Variants in ARHGAP31 observed in about 807,000 individuals in gnomAD.
ARHGAP31 encodes the protein rho GTPase-activating protein 31.
A neutral mutation model predicts 113.9 loss-of-function variants in ARHGAP31; 34 were observed. The ratio of observed to expected loss-of-function variants is 0.30; its 90% CI spans 0.23 to 0.40. ARHGAP31 has a LOEUF of 0.40. Among genes scored for constraint, ARHGAP31 ranks in the 10% least tolerant of loss-of-function variants. ARHGAP31 has a pLI of 1.00. For synonymous variants in ARHGAP31, 650 were observed against 684.8 expected (o/e 0.95, Z 0.79); for missense variants, 1,548 against 1,767.1 (o/e 0.88, Z 2.22).
At position 119,389,204 on chromosome 3, in the gene ARHGAP31, A is replaced by G. The variant is rs190103026; in HGVS notation, c.683-1581A>G. Among the ~76,000 whole-genome samples, 17 of 151,830 alleles carry G rather than the reference A, an allele frequency of 1.1e-4. No individual in the cohort carries two copies. In the East Asian group the frequency reaches 3.1e-3, roughly 28 times the overall value. Reference sequence around the variant, plus strand: ...AAACTTAACCAACTAACAAACAAACAAAAAAAACCATCTAATCAGAGACAC... The same window carrying G: ...AAACTTAACCAACTAACAAACAAACGAAAAAAACCATCTAATCAGAGACAC... On this transcript the variant is annotated intron_variant, in intron 6 of 11. Coordinates refer to ENST00000264245, the MANE Select transcript of ARHGAP31 (RefSeq NM_020754.4).
chr3:119,394,491 A>G (rs2080531018), intron 8 of ARHGAP31, among the ~76,000 whole-genome samples: 1 of 152,164 alleles, frequency 6.6e-6, no homozygotes, highest in Admixed American at 6.5e-5. Context: ...GCTGAATATT[A>G]TGTCAGGAAA....
chr3:119,364,503 G>T (rs546144335), intron 1 of ARHGAP31, among the ~76,000 whole-genome samples: 56 of 152,276 alleles, frequency 3.7e-4, no homozygotes, highest in Non-Finnish European at 6.2e-4. Flanking sequence ...CCTGTGCCTT[G>T]ATGTCCTCAT....
chr3:119,389,235 G>A lies in ARHGAP31; in HGVS notation c.683-1550G>A, dbSNP rs531995737. ...AACCATCTAATCAGAGACACTAAGC[G>A]GGCCTTAGTCCTAGGAGCCTGGAGC... On this transcript the variant is annotated intron_variant, in intron 6 of 11. Transcript: ENST00000264245. Among the ~76,000 whole-genome samples, 37 of 152,164 alleles carry A rather than the reference G, an allele frequency of 2.4e-4. No homozygotes were observed. In the South Asian group the frequency reaches 5.8e-3, roughly 24 times the overall value.
At chr3:119,300,842 A>AAAAGAAAGAAAG (rs543721008) in intron 1 of ARHGAP31, among the ~76,000 whole-genome samples, 91 of 139,038 alleles carry the variant, frequency 6.5e-4, no homozygotes, top group Admixed American at 1.3e-3. Context: ...AAAAAAAAAA[A>AAAAGAAAGAAAG]AAAGAAAGAA....
At position 119,414,005 on chromosome 3, in the gene ARHGAP31, C is replaced by A. The variant is rs772289203; in HGVS notation, c.2076C>A (p.Pro692=). 1 of 1,614,172 alleles carries A rather than the reference C, an allele frequency of 6.2e-7. No individual in the cohort carries two copies. Reference sequence around the variant, plus strand: ...CTATTCTCGAGTCGAGTCTGGGGCCCTTTATTCCCTCAGAGCCTCCTGGGA... The same window carrying A: ...CTATTCTCGAGTCGAGTCTGGGGCCATTTATTCCCTCAGAGCCTCCTGGGA... ...IQPILESSLG[P]FIPSEPPGSL... The change falls in exon 12 of 12, where the codon CCC becomes CCA. Residue 692 remains proline, a synonymous_variant. Coordinates refer to ENST00000264245, the MANE Select transcript of ARHGAP31 (RefSeq NM_020754.4).
intron 1 of ARHGAP31, among the ~76,000 whole-genome samples, chr3:119,332,064 TTTAA>T (rs1559969512): frequency 6.6e-6 from 1 of 152,138 alleles, no homozygotes; most frequent in Non-Finnish European, 1.5e-5. Context: ...CTTGAAGCCC[TTTAA>T]TTATTTTAAA....
chr3:119,374,102 T>C (rs1559983677), intron 3 of ARHGAP31, among the ~76,000 whole-genome samples: 1 of 152,166 alleles, frequency 6.6e-6, no homozygotes, highest in Non-Finnish European at 1.5e-5. Flanking sequence ...TATGATATGG[T>C]TTGGAGGCTT....
chr3:119,414,340 C>A lies in ARHGAP31; in HGVS notation c.2411C>A (p.Pro804Gln), dbSNP rs760373610. ...STPVLLSKGGPEREDSSRKLR... is the reference protein window; with the variant it reads ...STPVLLSKGGQEREDSSRKLR... ...CCAGTCCTGCTTTCAAAGGGCGGCC[C>A]GGAAAGAGAAGACTCATCCAGGAAA... The change falls in exon 12 of 12, where the codon CCG (proline) becomes CAG (glutamine). Residue 804 changes from proline (P) to glutamine (Q), a missense_variant. Pro to Gln is a moderately conservative substitution (Grantham distance 76, BLOSUM62 -1). Coordinates refer to ENST00000264245, the MANE Select transcript of ARHGAP31 (RefSeq NM_020754.4). The A allele has an allele frequency of 1.9e-6, 3 of 1,614,156 alleles. No homozygotes were observed. The highest frequency in any genetic ancestry group is 2.5e-6 in the Non-Finnish European group (3 of 1,180,028).
intron 1 of ARHGAP31, chr3:119,342,056 T>C (rs2080012755): frequency 6.6e-6 from 1 of 152,202 alleles, no homozygotes; most frequent in Admixed American, 6.5e-5. Flanking sequence ...ACCACTTTTT[T>C]ATTAAGATCA....
chr3:119,350,567 C>T (rs1216097960), intron 1 of ARHGAP31, among the ~76,000 whole-genome samples: 2 of 152,124 alleles, frequency 1.3e-5, no homozygotes, highest in Non-Finnish European at 2.9e-5. Flanking sequence ...AGGGATTTCT[C>T]ACTCTTAGGG....
intron 1 of ARHGAP31, chr3:119,298,619 T>C (rs1169309881): frequency 6.6e-6 from 1 of 152,248 alleles, no homozygotes; most frequent in Non-Finnish European, 1.5e-5. Flanking sequence ...GCAATCTTTG[T>C]TTATTTTACC....
At chr3:119,360,971 A>C (rs2080201066) in intron 1 of ARHGAP31, among the ~76,000 whole-genome samples, 1 of 152,234 alleles carries the variant, frequency 6.6e-6, no homozygotes, top group South Asian at 2.1e-4. Flanking sequence ...CTCCAGCGTC[A>C]GTCCTTCCCA....
chr3:119,396,577 A>T (rs1482407307), intron 8 of ARHGAP31, among the ~76,000 whole-genome samples: 1 of 152,258 alleles, frequency 6.6e-6, no homozygotes, highest in Non-Finnish European at 1.5e-5. Context: ...GATTAAAGTT[A>T]GGCCATTGAA....
At chr3:119,383,295 A>T in intron 6 of ARHGAP31, 69 bp downstream of exon 6, 1 of 1,593,280 alleles carries the variant, frequency 6.3e-7, no homozygotes, top group Non-Finnish European at 8.6e-7. Flanking sequence ...GTGGGACTCA[A>T]CAGAAAGTGA....
In ARHGAP31 at chr3:119,415,465, C is replaced by T; in HGVS notation, c.3536C>T (p.Ala1179Val). Residue 1179 changes from alanine (A) to valine (V), a missense_variant, in exon 12 of 12, where the codon GCT becomes GTT. Transcript: ENST00000264245. ...GCACTGACAGGCCGCCGTAACTCAG[C>T]TCCTGTGAGTGTGTCAGCTGTGAGA... The part of the protein sequence containing the change: ...AHALTGRRNS[A>V]PVSVSAVRTS... 1 of 1,614,108 alleles carries T rather than the reference C, an allele frequency of 6.2e-7. No individual in the cohort carries two copies. The highest frequency in any genetic ancestry group is 2.2e-5 in the East Asian group (1 of 44,888).
At position 119,317,366 on chromosome 3, in the gene ARHGAP31, G is replaced by T. The variant is rs141000064; in HGVS notation, c.100+22362G>T. Among the ~76,000 whole-genome samples the T allele has an allele frequency of 6.5e-3, 992 of 152,132 alleles. 16 individuals are homozygous for T. The highest frequency in any genetic ancestry group is 0.062 in the East Asian group (320 of 5,160). On this transcript the variant is annotated intron_variant, in intron 1 of 11. Transcript: ENST00000264245. ...GCTAATTTTTTGTATTTTTAGTAGAGACGGGGTTTCACCGTGTTAGCCAGG... is the reference window on the plus strand; with the variant it reads ...GCTAATTTTTTGTATTTTTAGTAGATACGGGGTTTCACCGTGTTAGCCAGG...
At chr3:119,385,420 G>A (rs1268516348) in intron 6 of ARHGAP31, among the ~76,000 whole-genome samples, 5 of 152,074 alleles carry the variant, frequency 3.3e-5, no homozygotes, top group South Asian at 2.1e-4. Flanking sequence ...TCACATACAC[G>A]TTTTTGTTTG....
intron 1 of ARHGAP31, among the ~76,000 whole-genome samples, chr3:119,359,262 C>A (rs1218165995): frequency 1.3e-5 from 2 of 152,058 alleles, no homozygotes; most frequent in African/African-American, 2.4e-5. Flanking sequence ...AGGTGATCCA[C>A]CTGCCTTGGC....
At chr3:119,361,334 G>C (rs1000142478) in intron 1 of ARHGAP31, among the ~76,000 whole-genome samples, 1 of 149,832 alleles carries the variant, frequency 6.7e-6, no homozygotes, top group Non-Finnish European at 1.5e-5. Context: ...ATTAAGGTAT[G>C]TGAGAAGCCC....
Sources: gnomAD v4.1 joint callset for allele counts (sites outside exome capture counted in the v4.1 genomes callset) on GRCh38, gnomAD v4.1.1 for gene constraint, MANE v1.5 for transcripts, NCBI Gene and HGNC (gene_info 2026-07-23, HGNC 2026-07-21) for gene names.